Variants in AOPEP observed in about 807,000 individuals in gnomAD.
The protein encoded by AOPEP is aminopeptidase O.
AOPEP carries 77 observed loss-of-function variants against 98.1 expected under a neutral mutation model. The observed-to-expected ratio is 0.78, with a 90% CI of 0.65 to 0.95. The LOEUF (loss-of-function observed/expected upper bound fraction) is 0.95. AOPEP is among the 40% of genes least tolerant of loss of function. AOPEP has a pLI of 0.00. For synonymous variants in AOPEP, 346 were observed against 365.3 expected (o/e 0.95, Z 0.60); for missense variants, 1,024 against 1,024.7 (o/e 1.00, Z 0.01).
At chr9:94,884,153 C>T (rs2047913988) in intron 5 of AOPEP, among the ~76,000 whole-genome samples, 1 of 152,230 alleles carries the variant, frequency 6.6e-6, no homozygotes, top group Non-Finnish European at 1.5e-5. Context: ...AGCCTTTGCC[C>T]TCCTGATTCT....
intron 4 of AOPEP, among the ~76,000 whole-genome samples, chr9:94,797,162 G>A (rs144865621): frequency 4.6e-5 from 7 of 152,316 alleles, no homozygotes; most frequent in East Asian, 1.9e-4. Context: ...GGCCAGGCGC[G>A]GTGGCTCACG....
intron 14 of AOPEP, among the ~76,000 whole-genome samples, chr9:95,072,312 C>A (rs551033222): frequency 1.3e-5 from 2 of 152,240 alleles, no homozygotes; most frequent in East Asian, 1.9e-4. Context: ...AATTTGCCAG[C>A]CTCTCTTCTG....
intron 2 of AOPEP, among the ~76,000 whole-genome samples, chr9:94,771,737 C>T (rs1840933908): frequency 6.7e-6 from 1 of 149,944 alleles, no homozygotes; most frequent in Admixed American, 6.7e-5. Flanking sequence ...CCCAGCTCCC[C>T]CTGGACAGTC....
chr9:95,120,719 T>C, the AOPEP span, among the ~76,000 whole-genome samples: 1 of 152,212 alleles, frequency 6.6e-6, no homozygotes, highest in South Asian at 2.1e-4. Flanking sequence ...TGAGCCGCCG[T>C]GCCCAGCCAG....
intron 5 of AOPEP, among the ~76,000 whole-genome samples, chr9:94,874,891 T>C (rs1255007430): frequency 6.6e-6 from 1 of 152,208 alleles, no homozygotes; most frequent in Non-Finnish European, 1.5e-5. Context: ...AGTATTTCCT[T>C]ATTTATTTTT....
intron 9 of AOPEP, among the ~76,000 whole-genome samples, chr9:94,961,554 T>C (rs2058843918): frequency 6.6e-6 from 1 of 152,218 alleles, no homozygotes; most frequent in Non-Finnish European, 1.5e-5. Flanking sequence ...CCTTAATGTC[T>C]GTTCTTTTCC....
At chr9:94,815,409 C>T (rs1322661120) in intron 5 of AOPEP, among the ~76,000 whole-genome samples, 1 of 152,140 alleles carries the variant, frequency 6.6e-6, no homozygotes, top group Non-Finnish European at 1.5e-5. Context: ...GAGTAACTTG[C>T]CCCTGTGTCA....
At chr9:94,963,129 T>G (rs868717957) in intron 9 of AOPEP, among the ~76,000 whole-genome samples, 4 of 152,278 alleles carry the variant, frequency 2.6e-5, no homozygotes, top group South Asian at 2.1e-4. Flanking sequence ...TTCTTCTCAG[T>G]TTTTATCTTG....
intron 5 of AOPEP, among the ~76,000 whole-genome samples, chr9:94,876,930 T>A (rs961602475): frequency 6.6e-6 from 1 of 152,222 alleles, no homozygotes; most frequent in Admixed American, 6.5e-5. Context: ...GAGGTCTGAC[T>A]GTCTACAAAA....
At chr9:95,051,059 T>C (rs1456464664) in intron 13 of AOPEP, among the ~76,000 whole-genome samples, 1 of 152,014 alleles carries the variant, frequency 6.6e-6, no homozygotes, top group Non-Finnish European at 1.5e-5. Context: ...AACTATTATG[T>C]TGTTATCTCT....
At chr9:94,965,124 G>T (rs950925709) in intron 9 of AOPEP, among the ~76,000 whole-genome samples, 2 of 152,062 alleles carry the variant, frequency 1.3e-5, no homozygotes, top group Non-Finnish European at 2.9e-5. Context: ...AGAACCTCAC[G>T]CACAAATAAT....
chr9:94,734,015 A>G (rs944800649), intron 1 of AOPEP, among the ~76,000 whole-genome samples: 1 of 152,240 alleles, frequency 6.6e-6, no homozygotes. Context: ...TATTCCCACA[A>G]AGAACTAGAA....
chr9:94,972,571 A>C lies in AOPEP; in HGVS notation c.1916+4770A>C, dbSNP rs1688025932. On this transcript the variant is annotated intron_variant, in intron 10 of 16. Coordinates refer to ENST00000375315, the MANE Select transcript of AOPEP (RefSeq NM_001193329.3). The surrounding 1 kb of genome is among the most constrained non-coding windows in gnomAD (Gnocchi z 4.2). ...TACTGTTCCTCCCCCACGGAGCTACACAGTACTTGTTTTATAAGTGTGACC... is the reference window on the plus strand; with the variant it reads ...TACTGTTCCTCCCCCACGGAGCTACCCAGTACTTGTTTTATAAGTGTGACC... Among the ~76,000 whole-genome samples the C allele has an allele frequency of 6.6e-6, 1 of 152,178 alleles. No individual in the cohort carries two copies. Among genetic ancestry groups the C allele is most frequent in the African/African-American group, 2.4e-5 (1 of 41,430 alleles).
chr9:94,873,739 C>T (rs559096693), intron 5 of AOPEP, among the ~76,000 whole-genome samples: 12 of 151,766 alleles, frequency 7.9e-5, no homozygotes, highest in Non-Finnish European at 1.5e-4. Context: ...AAAGAGTGAC[C>T]GAATGCTTAA....
At chr9:94,954,780 A>G (rs2137950916) in intron 7 of AOPEP, among the ~76,000 whole-genome samples, 1 of 152,358 alleles carries the variant, frequency 6.6e-6, no homozygotes, top group Middle Eastern at 3.4e-3. Context: ...AGAAGTGGAT[A>G]ACATTGAGGC....
At chr9:94,938,635 C>T (rs1203757289) in intron 7 of AOPEP, among the ~76,000 whole-genome samples, 2 of 152,016 alleles carry the variant, frequency 1.3e-5, no homozygotes, top group Non-Finnish European at 2.9e-5. Context: ...AGGACAGCCA[C>T]GAAAAGAACC....
chr9:95,096,578 T>C, the AOPEP span, among the ~76,000 whole-genome samples: 1 of 151,988 alleles, frequency 6.6e-6, no homozygotes, highest in Admixed American at 6.5e-5. Context: ...TGCCTAGAGA[T>C]GCCATGTGAA....
chr9:95,064,074 A>G (rs1587867025), intron 14 of AOPEP, among the ~76,000 whole-genome samples: 2 of 152,218 alleles, frequency 1.3e-5, no homozygotes, highest in East Asian at 3.8e-4. Context: ...TTCATGTAGA[A>G]TTGCAAACTA....
intron 5 of AOPEP, among the ~76,000 whole-genome samples, chr9:94,820,358 C>G (rs1351049925): frequency 6.6e-6 from 1 of 152,158 alleles, no homozygotes; most frequent in African/African-American, 2.4e-5. Flanking sequence ...CATGCAGATG[C>G]AGGCCAATTA....
Sources: gnomAD v4.1 joint callset for allele counts (sites outside exome capture counted in the v4.1 genomes callset) on GRCh38, gnomAD v4.1.1 for gene constraint, Gnocchi (gnomAD v3.1) non-coding constraint, MANE v1.5 for transcripts, NCBI Gene and HGNC (gene_info 2026-07-23, HGNC 2026-07-21) for gene names.